The following TMSB15B variants were observed in gnomAD, a reference collection of about 807,000 sequenced individuals.
The protein encoded by TMSB15B is thymosin beta 15B, also known as thymosin beta-15B.
chrX:103,940,892 A>T (rs2147822356), intron 1 of TMSB15B, among the ~76,000 whole-genome samples: 1 of 111,462 alleles, frequency 9.0e-6, no homozygotes, highest in East Asian at 2.8e-4. Context: ...CCTTGGGAAA[A>T]GCTTAGTATC....
At chrX:103,946,909 G>A (rs192128535) in intron 1 of TMSB15B, among the ~76,000 whole-genome samples, 2 of 111,552 alleles carry the variant, frequency 1.8e-5, no homozygotes, top group Admixed American at 9.5e-5. Context: ...AATAAAAGAC[G>A]TGAGAAGTAA....
rs1428692908 is a variant in TMSB15B, at chrX:103,923,370, A to G, written c.-721+4078A>G. Among the ~76,000 whole-genome samples, 4 of 111,902 alleles carry G rather than the reference A, an allele frequency of 3.6e-5. 1 individual carries two copies. The highest frequency in any genetic ancestry group is 2.8e-4 in the East Asian group (1 of 3,577). Reference sequence around the variant, plus strand: ...TTAAGTCTTTAATCCATCTTGAATTAATTTTTGTATAAGGTGTAAGGAAGG... The same window carrying G: ...TTAAGTCTTTAATCCATCTTGAATTGATTTTTGTATAAGGTGTAAGGAAGG... On this transcript the variant is annotated intron_variant, in intron 1 of 3. Coordinates refer to the TMSB15B transcript ENST00000419165.
At chrX:103,948,105 G>C (rs2075030196) in intron 1 of TMSB15B, among the ~76,000 whole-genome samples, 2 of 111,373 alleles carry the variant, frequency 1.8e-5, no homozygotes, top group African/African-American at 6.5e-5. Flanking sequence ...GGGTTGATGG[G>C]TGAAGCAAAC....
intron 1 of TMSB15B, among the ~76,000 whole-genome samples, chrX:103,942,179 G>A (rs182634640): frequency 2.2e-4 from 25 of 111,166 alleles, no homozygotes; most frequent in East Asian, 5.6e-4. Context: ...CAATGAAATC[G>A]TTCTATACCC....
At chrX:103,951,177 C>T (rs1158126658) in intron 1 of TMSB15B, among the ~76,000 whole-genome samples, 9 of 111,598 alleles carry the variant, frequency 8.1e-5, no homozygotes, top group African/African-American at 2.0e-4. Flanking sequence ...TTAATGACCT[C>T]GCTTTGACTT....
chrX:103,952,225 C>G (rs1484845786), intron 1 of TMSB15B, among the ~76,000 whole-genome samples: 3 of 111,356 alleles, frequency 2.7e-5, no homozygotes, highest in African/African-American at 9.8e-5. Flanking sequence ...AACTCACTAA[C>G]AATTAAGACA....
chrX:103,943,365 T>C (rs1556326123), intron 1 of TMSB15B, among the ~76,000 whole-genome samples: 2 of 111,972 alleles, frequency 1.8e-5, no homozygotes, highest in Admixed American at 1.9e-4. Flanking sequence ...TCAATAGATA[T>C]TTGTAGAATG....
At chrX:103,935,534 G>C (rs2074995225) in intron 1 of TMSB15B, among the ~76,000 whole-genome samples, 1 of 111,728 alleles carries the variant, frequency 9.0e-6, no homozygotes, top group Non-Finnish European at 1.9e-5. Context: ...TGTAAGGAAA[G>C]GGTCCAGTTT....
chrX:103,940,367 A>G (rs1452306658), intron 1 of TMSB15B, among the ~76,000 whole-genome samples: 1 of 112,187 alleles, frequency 8.9e-6, no homozygotes, highest in Non-Finnish European at 1.9e-5. Context: ...GAGAGGAGGA[A>G]TCTAGAGAGG....
rs782468052 is a variant in TMSB15B at position 103,942,002 on chromosome X, TTTTAA to T, written c.-720-20015_-720-20011del. 3.2e-3 allele frequency among the ~76,000 whole-genome samples: 364 copies of T among 112,213 alleles called. 1 individual carries two copies. The highest frequency in any genetic ancestry group is 5.5e-3 in the South Asian group (15 of 2,707). ...TTTTCAAATTAATTTGTAGAAGCTG[TTTTAA>T]TTTTAGTTCTTTCTCCTTTATATGT... On this transcript the variant is annotated intron_variant, in intron 1 of 3. Coordinates refer to the TMSB15B transcript ENST00000419165.
At chrX:103,919,250 G>C (rs1465687830) in exon 1 of TMSB15B, 1 of 112,892 alleles carries the variant, frequency 8.9e-6, no homozygotes, top group Non-Finnish European at 1.9e-5. Flanking sequence ...GCGGCGTCAA[G>C]TGGAGCTCGG....
chrX:103,951,545 G>C (rs1414226526), intron 1 of TMSB15B, among the ~76,000 whole-genome samples: 1 of 112,124 alleles, frequency 8.9e-6, no homozygotes, highest in Non-Finnish European at 1.9e-5. Flanking sequence ...TCTGGTTGGA[G>C]TTCATGGTCA....
intron 1 of TMSB15B, among the ~76,000 whole-genome samples, chrX:103,938,602 T>C (rs1456872032): frequency 1.2e-4 from 13 of 112,266 alleles, no homozygotes; most frequent in African/African-American, 3.9e-4. Flanking sequence ...TCTTGGCTCT[T>C]TATCCAATTT....
At chrX:103,955,822 C>T (rs1467042661) in intron 1 of TMSB15B, among the ~76,000 whole-genome samples, 1 of 111,353 alleles carries the variant, frequency 9.0e-6, no homozygotes, top group Non-Finnish European at 1.9e-5. Flanking sequence ...ACGAGAAGTT[C>T]ATCCCTAACA....
chrX:103,927,579 T>C (rs1355656201), intron 1 of TMSB15B, among the ~76,000 whole-genome samples: 1 of 111,108 alleles, frequency 9.0e-6, no homozygotes, highest in African/African-American at 3.3e-5. Context: ...AGATTCCCCT[T>C]ACCCAAATTT....
intron 1 of TMSB15B, among the ~76,000 whole-genome samples, chrX:103,927,550 T>C (rs1181162230): frequency 9.0e-6 from 1 of 111,249 alleles, no homozygotes; most frequent in Admixed American, 9.5e-5. Flanking sequence ...CAGGAATCTA[T>C]GGAGAGAAAA....
chrX:103,928,395 T>G, intron 1 of TMSB15B: 1 of 1,207,839 alleles, frequency 8.3e-7, no homozygotes. Flanking sequence ...GGACTTATGA[T>G]AGCCTGCTGT....
intron 1 of TMSB15B, among the ~76,000 whole-genome samples, chrX:103,936,081 G>C (rs1177996288): frequency 9.1e-6 from 1 of 110,457 alleles, no homozygotes; most frequent in Non-Finnish European, 1.9e-5. Flanking sequence ...CCCCACCTCA[G>C]GTAATCCACC....
At chrX:103,935,021 A>G (rs781805256) in intron 1 of TMSB15B, among the ~76,000 whole-genome samples, 7 of 111,942 alleles carry the variant, frequency 6.3e-5, no homozygotes, top group Non-Finnish European at 1.3e-4. Flanking sequence ...TGACTTTTTA[A>G]TGTTCGCCAC....
Sources: gnomAD v4.1 joint callset for allele counts (sites outside exome capture counted in the v4.1 genomes callset) on GRCh38, gnomAD v4.1.1 for gene constraint, MANE v1.5 for transcripts, NCBI Gene and HGNC (gene_info 2026-07-23, HGNC 2026-07-21) for gene names.